MAGI1: variants seen among roughly 807,000 people sequenced by gnomAD.
MAGI1 encodes membrane-associated guanylate kinase, WW and PDZ domain-containing protein 1.
In MAGI1, 58 loss-of-function variants were observed where a neutral mutation model predicts 139.9. The observed-to-expected ratio is 0.41, with a 90% CI of 0.34 to 0.52. The LOEUF is 0.52. MAGI1 is among the 20% of genes least tolerant of loss of function. The pLI is 0.12. For missense variants in MAGI1, 1,874 were observed against 1,901.6 expected (o/e 0.99, Z 0.27); for synonymous variants, 812 against 737.9 (o/e 1.10, Z -1.63).
intron 1 of MAGI1, among the ~76,000 whole-genome samples, chr3:65,865,208 G>A (rs1415971292): frequency 6.6e-6 from 1 of 152,010 alleles, no homozygotes; most frequent in African/African-American, 2.4e-5. Flanking sequence ...GCCCTTTGAT[G>A]GTATAATTTT....
In MAGI1 at chr3:65,383,543, G is replaced by T; in HGVS notation, c.2497C>A (p.Pro833Thr). 1 of 1,612,462 alleles carries T rather than the reference G, an allele frequency of 6.2e-7. No individual in the cohort carries two copies. Among genetic ancestry groups the T allele is most frequent in the Non-Finnish European group, 8.5e-7 (1 of 1,178,512 alleles). Residue 833 changes from proline (P) to threonine (T), a missense_variant, in exon 15 of 23, where the codon CCA becomes ACA. Around this residue, in one of 5 missense-constraint regions of MAGI1, gnomAD observed 482 missense variants for 509.6 expected, o/e 0.95. Transcript: ENST00000402939. ...AGCAAAAGACTCACAGGTTCCCCTG[G>T]TTCATTTCCACCCAGAATCCTAAAT... ...FGFRILGGNE[P>T]GEPIYIGHIV...
intron 1 of MAGI1, among the ~76,000 whole-genome samples, chr3:65,824,600 C>A (rs1404709485): frequency 6.6e-6 from 1 of 152,182 alleles, no homozygotes; most frequent in Non-Finnish European, 1.5e-5. Context: ...CCTCTGCTAT[C>A]AGCTGACCCA....
At chr3:65,567,947 ACT>A (rs2080751589) in intron 2 of MAGI1, among the ~76,000 whole-genome samples, 1 of 152,166 alleles carries the variant, frequency 6.6e-6, no homozygotes, top group Non-Finnish European at 1.5e-5. Context: ...GCTGAACATG[ACT>A]CTAGCAAATC....
intron 1 of MAGI1, among the ~76,000 whole-genome samples, chr3:65,992,907 C>T (rs1322328104): frequency 6.6e-6 from 1 of 152,098 alleles, no homozygotes; most frequent in Admixed American, 6.6e-5. Context: ...CTCACTGCAG[C>T]CTCAATCTCC....
chr3:65,471,798 A>G (rs892809333), intron 4 of MAGI1, among the ~76,000 whole-genome samples: 22 of 152,172 alleles, frequency 1.4e-4, no homozygotes, highest in Admixed American at 1.2e-3. Context: ...AATGTCAGAC[A>G]TGGAAGATTT....
intron 2 of MAGI1, among the ~76,000 whole-genome samples, chr3:65,542,773 A>G (rs1220487795): frequency 6.6e-6 from 1 of 152,246 alleles, no homozygotes; most frequent in Non-Finnish European, 1.5e-5. Flanking sequence ...AAAGACTTAA[A>G]CATAAGACCT....
rs374880487 is a variant in MAGI1, at chr3:65,573,399, T to C, written c.430+48573A>G. 9.2e-5 allele frequency among the ~76,000 whole-genome samples: 14 copies of C among 152,206 alleles called. No individual in the cohort carries two copies. The South Asian group carries it at 2.9e-3, about 32-fold the overall frequency. ...AGTTTATCCCAGTCATGTAAGATTA[T>C]TTTAACATTGGAAAATCTATTAATA... On this transcript the variant is annotated intron_variant, in intron 2 of 22. Transcript: ENST00000402939.
intron 1 of MAGI1, among the ~76,000 whole-genome samples, chr3:65,670,168 A>ATCCTT (rs2086767173): frequency 6.6e-6 from 1 of 152,148 alleles, no homozygotes; most frequent in African/African-American, 2.4e-5. Flanking sequence ...CTGAAACTAG[A>ATCCTT]TCCTGTTCAG....
chr3:65,528,963 T>C (rs2078511258), intron 2 of MAGI1, among the ~76,000 whole-genome samples: 1 of 152,086 alleles, frequency 6.6e-6, no homozygotes. Context: ...AGAGAATCAC[T>C]GGAACCCTGA....
chr3:65,544,760 C>G (rs796269170), intron 2 of MAGI1, among the ~76,000 whole-genome samples: 25 of 152,242 alleles, frequency 1.6e-4, no homozygotes, highest in African/African-American at 6.0e-4. Context: ...ACTGATAGCA[C>G]CGGGCCAGTT....
chr3:66,020,901 G>T (rs777275939), intron 1 of MAGI1, among the ~76,000 whole-genome samples: 1 of 152,060 alleles, frequency 6.6e-6, no homozygotes, highest in Non-Finnish European at 1.5e-5. Context: ...GACAATGAGC[G>T]CACTACCATA....
At chr3:65,553,872 T>C (rs1004005938) in intron 2 of MAGI1, among the ~76,000 whole-genome samples, 3 of 152,192 alleles carry the variant, frequency 2.0e-5, no homozygotes, top group Admixed American at 6.5e-5. Context: ...TTATCTCTAT[T>C]ACAAAATACA....
Position 65,721,073 on chromosome 3 carries a change from T to C in MAGI1, c.314-98985A>G, listed in dbSNP as rs139865465. Among the ~76,000 whole-genome samples, 107 of 152,298 alleles carry C rather than the reference T, an allele frequency of 7.0e-4. 1 individual carries two copies. The highest frequency in any genetic ancestry group is 2.6e-3 in the African/African-American group (106 of 41,568). On this transcript the variant is annotated intron_variant, in intron 1 of 22. Transcript: ENST00000402939. ...CATTCTCCTAAACTTACCGAGCTGC[T>C]GTTAACCTGTCTTGGTATGGGATGG... is the stretch of plus-strand genomic sequence containing the variant.
intron 1 of MAGI1, among the ~76,000 whole-genome samples, chr3:66,026,527 C>T (rs530637382): frequency 1.6e-4 from 24 of 151,166 alleles, no homozygotes; most frequent in East Asian, 7.8e-4. Context: ...TGAGTACCTA[C>T]AGAGGGCAGA....
chr3:65,768,867 C>T (rs975972230), intron 1 of MAGI1, among the ~76,000 whole-genome samples: 1 of 152,096 alleles, frequency 6.6e-6, no homozygotes, highest in Non-Finnish European at 1.5e-5. Flanking sequence ...AAAAACTGCT[C>T]CGTACAGAGA....
chr3:65,518,180 C>T (rs1559630910), intron 2 of MAGI1, among the ~76,000 whole-genome samples: 1 of 152,100 alleles, frequency 6.6e-6, no homozygotes, highest in Non-Finnish European at 1.5e-5. Context: ...AGCCTAAAGA[C>T]TATCTTAACC....
intron 1 of MAGI1, among the ~76,000 whole-genome samples, chr3:65,622,528 C>T (rs1251869268): frequency 1.3e-5 from 2 of 152,076 alleles, no homozygotes; most frequent in Non-Finnish European, 2.9e-5. Flanking sequence ...GTAATCTCTT[C>T]AAATTTCCAT....
chr3:65,829,257 G>A (rs1205585950), intron 1 of MAGI1, among the ~76,000 whole-genome samples: 1 of 152,116 alleles, frequency 6.6e-6, no homozygotes, highest in Non-Finnish European at 1.5e-5. Flanking sequence ...CACCTTCTTA[G>A]CCTCTTGGTC....
At chr3:65,796,064 A>G (rs2040122732) in intron 1 of MAGI1, among the ~76,000 whole-genome samples, 2 of 151,418 alleles carry the variant, frequency 1.3e-5, no homozygotes, top group African/African-American at 4.8e-5. Context: ...AAAAAAAAAA[A>G]AAAAAAGAAA....
Sources: allele counts gnomAD v4.1 joint callset (sites outside exome capture counted in the v4.1 genomes callset), GRCh38; gene constraint gnomAD v4.1.1; regional missense constraint gnomAD v4.1.1; transcripts MANE v1.5; gene names NCBI Gene and HGNC (gene_info 2026-07-23, HGNC 2026-07-21).